The following GPD2 variants were observed in gnomAD, a reference collection of about 807,000 sequenced individuals.
GPD2 encodes glycerol-3-phosphate dehydrogenase, mitochondrial.
A neutral mutation model predicts 82.4 loss-of-function variants in GPD2; 54 were observed. The observed-to-expected ratio is 0.66, with a 90% CI of 0.53 to 0.82. The LOEUF is 0.82. Ranked by LOEUF, GPD2 falls within the 40% of genes least tolerant of loss-of-function variation. GPD2 has a pLI of 0.00. For missense variants in GPD2, 748 were observed against 896.2 expected, an observed-to-expected ratio of 0.83 and a Z score of 2.11; for synonymous variants, 288 against 306.1, an observed-to-expected ratio of 0.94 and a Z score of 0.62.
At chr2:156,483,610 G>A (rs1010767705) in intron 2 of GPD2, among the ~76,000 whole-genome samples, 3 of 152,124 alleles carry the variant, frequency 2.0e-5, no homozygotes, top group African/African-American at 7.2e-5. Flanking sequence ...ACTGGTAGAG[G>A]GTAGAGAAAC....
Position 156,575,429 on chromosome 2 carries a change from G to A in GPD2, c.1768-3460G>A, listed in dbSNP as rs546521734. 1.3e-3 allele frequency among the ~76,000 whole-genome samples: 162 copies of A among 127,594 alleles called. 2 individuals are homozygous for A. Among genetic ancestry groups the A allele is most frequent in the East Asian group, 9.0e-4 (4 of 4,468 alleles). The allele number at this position is 127,594 out of a possible 152,430, so 83.7% of individuals were successfully genotyped here. A position where few individuals can be genotyped will look rare whatever the true frequency, so the allele number is the denominator to read the frequency against. On this transcript the variant is annotated intron_variant, in intron 13 of 16. Coordinates refer to ENST00000438166, the MANE Select transcript of GPD2 (RefSeq NM_000408.5). ...TTTTTTTTTTTTTTTTTGAGACAAG[G>A]TCTTGCTATGTTGCCCAGGCTGGAG...
intron 1 of GPD2, among the ~76,000 whole-genome samples, chr2:156,455,602 A>G (rs1384868695): frequency 2.0e-5 from 3 of 152,188 alleles, no homozygotes; most frequent in Non-Finnish European, 4.4e-5. Flanking sequence ...GTCTTATACC[A>G]TTATGTCTCT....
intron 6 of GPD2, among the ~76,000 whole-genome samples, chr2:156,535,628 C>T (rs1339681591): frequency 6.6e-6 from 1 of 151,804 alleles, no homozygotes; most frequent in Non-Finnish European, 1.5e-5. Flanking sequence ...TTTGTGTAGC[C>T]GCCCTTTCTT....
At chr2:156,451,045 A>G (rs1209548302) in intron 1 of GPD2, among the ~76,000 whole-genome samples, 1 of 143,268 alleles carries the variant, frequency 7.0e-6, no homozygotes. Context: ...CAAAATGAAA[A>G]GTCTCCCATG....
chr2:156,473,457 T>C (rs780815742), intron 1 of GPD2: 1 of 152,186 alleles, frequency 6.6e-6, no homozygotes, highest in Non-Finnish European at 1.5e-5. Flanking sequence ...GAATGAAACA[T>C]TTTCATTGAC....
chr2:156,453,215 G>A (rs531905727), intron 1 of GPD2, among the ~76,000 whole-genome samples: 4 of 152,284 alleles, frequency 2.6e-5, no homozygotes, highest in African/African-American at 9.6e-5. Flanking sequence ...TGGTTTGGGG[G>A]TTTGCCAAGT....
chr2:156,418,214 C>T, the GPD2 span, among the ~76,000 whole-genome samples: 2 of 135,766 alleles, frequency 1.5e-5, no homozygotes, highest in African/African-American at 5.0e-5. Flanking sequence ...GACTCCGTCT[C>T]AAAAGGAAGA....
At chr2:156,551,627 A>C (rs942584771) in intron 8 of GPD2, among the ~76,000 whole-genome samples, 1 of 152,188 alleles carries the variant, frequency 6.6e-6, no homozygotes, top group African/African-American at 2.4e-5. Context: ...AAATATTAGA[A>C]GCTACTTCAG....
intron 8 of GPD2, among the ~76,000 whole-genome samples, chr2:156,555,827 A>G (rs1009352798): frequency 1.3e-5 from 2 of 152,206 alleles, no homozygotes; most frequent in African/African-American, 4.8e-5. Flanking sequence ...CTCTGAGCTG[A>G]GGTTTAAATG....
At chr2:156,534,202 C>T (rs765012770) in intron 6 of GPD2, among the ~76,000 whole-genome samples, 1 of 152,144 alleles carries the variant, frequency 6.6e-6, no homozygotes, top group Non-Finnish European at 1.5e-5. Context: ...CCTCTCTGAC[C>T]ATCCACAGCC....
chr2:156,529,224 C>T (rs1321506721), intron 6 of GPD2, among the ~76,000 whole-genome samples: 2 of 151,316 alleles, frequency 1.3e-5, no homozygotes, highest in Non-Finnish European at 2.9e-5. Flanking sequence ...TTTTTGGCTG[C>T]ATAAATGTCT....
At chr2:156,493,958 G>GTGTA (rs60643688) in intron 2 of GPD2, among the ~76,000 whole-genome samples, 2,946 of 143,376 alleles carry the variant, frequency 0.021, 59 homozygotes, top group Admixed American at 0.044. Context: ...GTGTGTGTGT[G>GTGTA]TATAATTTTT....
intron 6 of GPD2, among the ~76,000 whole-genome samples, chr2:156,539,865 G>A (rs950640687): frequency 2.6e-5 from 4 of 152,144 alleles, no homozygotes; most frequent in Admixed American, 6.5e-5. Flanking sequence ...TGTATAATTC[G>A]ATTCTTGAGT....
intron 8 of GPD2, among the ~76,000 whole-genome samples, chr2:156,556,948 A>C (rs931594864): frequency 3.3e-4 from 51 of 152,248 alleles, no homozygotes; most frequent in Non-Finnish European, 1.0e-4. Context: ...GAGCGATGAA[A>C]TGTCAAATGT....
At chr2:156,477,392 A>G (rs1683551692) in intron 2 of GPD2, among the ~76,000 whole-genome samples, 1 of 152,146 alleles carries the variant, frequency 6.6e-6, no homozygotes, top group African/African-American at 2.4e-5. Context: ...AGATCATGCC[A>G]CTGTACTTCA....
At chr2:156,474,097 T>C (rs1174724203) in intron 1 of GPD2, among the ~76,000 whole-genome samples, 1 of 152,142 alleles carries the variant, frequency 6.6e-6, no homozygotes, top group Non-Finnish European at 1.5e-5. Context: ...AGTGGCACAA[T>C]TGCAGCTCAC....
At chr2:156,408,289 C>T in the GPD2 span, among the ~76,000 whole-genome samples, 5 of 152,022 alleles carry the variant, frequency 3.3e-5, no homozygotes, top group East Asian at 1.9e-4. Context: ...GATTCTTCTC[C>T]GCATTAATAG....
chr2:156,527,780 A>T (rs916963702), intron 6 of GPD2, among the ~76,000 whole-genome samples: 4 of 152,146 alleles, frequency 2.6e-5, no homozygotes, highest in Non-Finnish European at 5.9e-5. Flanking sequence ...CCTGGGATAG[A>T]CCAGGTAAAT....
At chr2:156,465,361 CTTT>C (rs67390264) in intron 1 of GPD2, among the ~76,000 whole-genome samples, 3 of 114,896 alleles carry the variant, frequency 2.6e-5, no homozygotes, top group African/African-American at 3.7e-5. Flanking sequence ...TTCTTTCTTT[CTTT>C]TTTTTTTTTT....
Sources: allele counts gnomAD v4.1 joint callset (sites outside exome capture counted in the v4.1 genomes callset), GRCh38; gene constraint gnomAD v4.1.1; transcripts MANE v1.5; gene names NCBI Gene and HGNC (gene_info 2026-07-23, HGNC 2026-07-21).